The following CCL5 variants were observed in gnomAD, a reference collection of about 807,000 sequenced individuals.
CCL5 encodes the protein C-C motif chemokine 5.
Under a neutral mutation model 9.0 loss-of-function variants are expected in CCL5, and 5 were observed. The ratio of observed to expected loss-of-function variants is 0.55; its 90% CI spans 0.29 to 1.16. The LOEUF (loss-of-function observed/expected upper bound fraction) is 1.16. CCL5 is among the 50% of genes most tolerant of loss of function. The pLI is 0.08. For synonymous variants in CCL5, 66 were observed against 72.0 expected (o/e 0.92, Z 0.42); for missense variants, 183 against 183.2 (o/e 1.00, Z 0.01).
intron 2 of CCL5, among the ~76,000 whole-genome samples, chr17:35,878,104 G>T (rs1192997433): frequency 6.6e-6 from 1 of 151,712 alleles, no homozygotes. Context: ...CTAACACGGT[G>T]AAACCCCGTC....
At chr17:35,874,946 A>G (rs559241447) in intron 3 of CCL5, among the ~76,000 whole-genome samples, 20 of 152,304 alleles carry the variant, frequency 1.3e-4, no homozygotes, top group African/African-American at 4.8e-4. Context: ...TGACCCATGC[A>G]GTATGCCACA....
At chr17:35,875,671 T>A in intron 2 of CCL5, 1 of 936,210 alleles carries the variant, frequency 1.1e-6, no homozygotes, top group Non-Finnish European at 1.3e-6. Context: ...AGGAAAACAA[T>A]ACCTGAGATG....
At chr17:35,878,496 C>G in intron 2 of CCL5, 32 bp downstream of exon 2, 6 of 1,488,272 alleles carry the variant, frequency 4.0e-6, no homozygotes, top group Non-Finnish European at 5.6e-6. Context: ...AGGGAACAGG[C>G]TCTGGGAGGG....
Position 35,872,330 on chromosome 17 carries a change from C to G in CCL5, c.405G>C (p.Leu135=). The change falls in exon 4 of 4, where the codon CTG becomes CTC. Residue 135 remains leucine, a synonymous_variant. Coordinates refer to ENST00000651122, the MANE Select transcript of CCL5 (RefSeq NM_001278736.2). Reference sequence around the variant, plus strand: ...CCTCCCAAGCTAGGACAAGAGCAAGCAGAAACAGGCAAATTTGTGTAAGTT... The same window carrying G: ...CCTCCCAAGCTAGGACAAGAGCAAGGAGAAACAGGCAAATTTGTGTAAGTT... 2 of 1,609,404 alleles carry G rather than the reference C, an allele frequency of 1.2e-6. No individual in the cohort carries two copies. Among genetic ancestry groups the G allele is most frequent in the African/African-American group, 1.3e-5 (1 of 74,798 alleles).
At chr17:35,879,280 G>A (rs2088482485) in intron 1 of CCL5, among the ~76,000 whole-genome samples, 1 of 152,082 alleles carries the variant, frequency 6.6e-6, no homozygotes, top group South Asian at 2.1e-4. Context: ...TAACCTCTCT[G>A]TTTTCCCATC....
In CCL5 at chr17:35,872,236, T is replaced by C; in HGVS notation, c.*34A>G. ...CCACGTCCAGCCTGGGGAAGGTTTT[T>C]GTAACTGCTGCTGTGTGGTAGAATC... is the stretch of plus-strand genomic sequence containing the variant. On this transcript the variant is annotated 3_prime_UTR_variant, in exon 4 of 4. Coordinates refer to ENST00000651122, the MANE Select transcript of CCL5 (RefSeq NM_001278736.2). The C allele has an allele frequency of 6.9e-7, 1 of 1,444,592 alleles. No homozygotes were observed. Among genetic ancestry groups the C allele is most frequent in the South Asian group, 1.5e-5 (1 of 68,762 alleles). 89.5% of individuals were successfully genotyped at this position (1,444,592 alleles called of 1,614,324 possible). A position where few individuals can be genotyped will look rare whatever the true frequency, so the allele number is the denominator to read the frequency against.
At chr17:35,875,457 C>T (rs1200877441) in intron 3 of CCL5, 5 of 329,732 alleles carry the variant, frequency 1.5e-5, no homozygotes, top group East Asian at 1.7e-4. Context: ...TCTCCCACCC[C>T]GGTGTGCAGA....
At chr17:35,875,991 T>C (rs1362101491) in intron 2 of CCL5, among the ~76,000 whole-genome samples, 1 of 152,242 alleles carries the variant, frequency 6.6e-6, no homozygotes, top group African/African-American at 2.4e-5. Flanking sequence ...TCACCTGTTA[T>C]TTTTGTGTAC....
At position 35,875,605 on chromosome 17, in the gene CCL5, C is replaced by G; in HGVS notation, c.226G>C (p.Val76Leu). The change falls in exon 3 of 4, where the codon GTC (valine) becomes CTC (leucine). Residue 76 changes from valine to leucine, a missense_variant. Val to Leu is a conservative substitution (Grantham distance 32). Coordinates refer to ENST00000651122, the MANE Select transcript of CCL5 (RefSeq NM_001278736.2). ...GAGTCATACAGGAAATCCTGCCAGA[C>G]TTGCTGTCCCTCTCTCTTTGGCATC... 1.0e-6 allele frequency: 1 copy of G among 985,490 alleles called. No individual in the cohort carries two copies. The highest frequency in any genetic ancestry group is 1.7e-5 in the African/African-American group (1 of 57,358). 61.0% of individuals were successfully genotyped at this position (985,490 alleles called of 1,614,324 possible).
intron 2 of CCL5, 146 bp downstream of exon 2, chr17:35,878,382 T>C: frequency 3.2e-6 from 2 of 628,314 alleles, no homozygotes. Flanking sequence ...CTAGTCTTTT[T>C]ACATGATAGC....
chr17:35,873,813 G>C (rs1161226776), intron 3 of CCL5, among the ~76,000 whole-genome samples: 1 of 152,194 alleles, frequency 6.6e-6, no homozygotes, highest in Non-Finnish European at 1.5e-5. Context: ...GGGTGGATGA[G>C]AGCAACATGA....
At chr17:35,877,827 C>G (rs1568351200) in intron 2 of CCL5, among the ~76,000 whole-genome samples, 1 of 152,078 alleles carries the variant, frequency 6.6e-6, no homozygotes, top group Non-Finnish European at 1.5e-5. Flanking sequence ...GACCTCTGAC[C>G]TCTTCTCCCT....
At chr17:35,876,108 G>A (rs1014048427) in intron 2 of CCL5, among the ~76,000 whole-genome samples, 2 of 152,152 alleles carry the variant, frequency 1.3e-5, no homozygotes, top group African/African-American at 2.4e-5. Context: ...ACCCAGTGGG[G>A]GAAGTACTTC....
rs776127483 is a variant in CCL5 at position 35,878,633 on chromosome 17, G to A, written c.83C>T (p.Ser28Leu). The change falls in exon 2 of 4, where the codon TCG becomes TTG. Residue 28 changes from serine to leucine, a missense_variant. Coordinates refer to ENST00000651122, the MANE Select transcript of CCL5 (RefSeq NM_001278736.2). ...GGCAAAGCAGCAGGGTGTGGTGTCC[G>A]AGGAATCTGGAAGAGGAAAGGAAGG... 9 of 1,608,594 alleles carry A rather than the reference G, an allele frequency of 5.6e-6. No individual in the cohort carries two copies. Among genetic ancestry groups the A allele is most frequent in the Middle Eastern group, 3.3e-4 (2 of 6,020 alleles).
In CCL5 at chr17:35,878,609, G is replaced by A. The variant is rs770571198; in HGVS notation, c.107C>T (p.Ala36Val). The change falls in exon 2 of 4, where the codon GCC becomes GTC. Residue 36 changes from alanine (A) to valine (V), a missense_variant. Physicochemically the swap from Ala to Val is moderately conservative, Grantham distance 64. Transcript: ENST00000651122. ...ACGGGGCAGTGGGCGGGCAATGTAG[G>A]CAAAGCAGCAGGGTGTGGTGTCCGA... 6.2e-7 allele frequency: 1 copy of A among 1,613,750 alleles called. No homozygotes were observed. The highest frequency in any genetic ancestry group is 8.5e-7 in the Non-Finnish European group (1 of 1,179,794).
rs377415776 is a variant in CCL5 at position 35,880,235 on chromosome 17, G to C, written c.71C>G (p.Ser24Cys). 7.4e-6 allele frequency: 12 copies of C among 1,613,820 alleles called. No individual in the cohort carries two copies. Among genetic ancestry groups the C allele is most frequent in the Non-Finnish European group, 1.0e-5 (12 of 1,179,846 alleles). ...TGGTCAAGACCAGGACTTACATGGG[G>C]AGGCAGATGCAGGAGCGCAGAGGGC... Residue 24 changes from serine to cysteine, a missense_variant, in exon 1 of 4, where the codon TCC becomes TGC. Transcript: ENST00000651122.
At chr17:35,878,686 G>A in intron 1 of CCL5, 47 bp from the exon 2 acceptor site, 3 of 1,086,382 alleles carry the variant, frequency 2.8e-6, no homozygotes, top group African/African-American at 1.5e-5. Flanking sequence ...CATTGCTACT[G>A]CACACTTGAC....
intron 1 of CCL5, among the ~76,000 whole-genome samples, chr17:35,879,461 C>T (rs543642108): frequency 1.7e-4 from 26 of 152,016 alleles, no homozygotes; most frequent in African/African-American, 6.0e-4. Flanking sequence ...GGTGAAACCC[C>T]GTCTCTACTA....
chr17:35,875,127 C>T (rs1413706815), intron 3 of CCL5, among the ~76,000 whole-genome samples: 1 of 151,254 alleles, frequency 6.6e-6, no homozygotes, highest in African/African-American at 2.4e-5. Context: ...TTAAATATTT[C>T]ATCACTCATT....
Sources: allele counts gnomAD v4.1 joint callset (sites outside exome capture counted in the v4.1 genomes callset), GRCh38; gene constraint gnomAD v4.1.1; transcripts MANE v1.5; gene names NCBI Gene and HGNC (gene_info 2026-07-23, HGNC 2026-07-21).